The following GLDC variants were observed in gnomAD, a reference collection of about 807,000 sequenced individuals.
The protein encoded by GLDC is glycine dehydrogenase (decarboxylating), mitochondrial.
A neutral mutation model predicts 121.3 loss-of-function variants in GLDC; 104 were observed. The observed-to-expected ratio is 0.86, with a 90% confidence interval of 0.73 to 1.01. The LOEUF is 1.01. Ranked by LOEUF, GLDC falls within the 50% of genes least tolerant of loss-of-function variation. The pLI is 0.00. For synonymous variants in GLDC, 546 were observed against 480.6 expected (o/e 1.14, Z -1.78); for missense variants, 1,429 against 1,306.6 (o/e 1.09, Z -1.44).
At chr9:6,583,448 G>A (rs1006321002) in intron 15 of GLDC, among the ~76,000 whole-genome samples, 17 of 152,188 alleles carry the variant, frequency 1.1e-4, no homozygotes, top group Admixed American at 4.6e-4. Flanking sequence ...GCCAAGGCAG[G>A]AGGATCACTT....
intron 19 of GLDC, 132 bp downstream of exon 19, chr9:6,554,537 C>T: frequency 5.4e-6 from 4 of 737,080 alleles, no homozygotes; most frequent in South Asian, 3.0e-5. Flanking sequence ...CCTCCCCCAG[C>T]CCCTACAAGT....
chr9:6,611,322 T>C lies in GLDC; in HGVS notation c.471-966A>G, dbSNP rs149784808. Among the ~76,000 whole-genome samples the C allele has an allele frequency of 4.2e-3, 640 of 152,052 alleles. 4 individuals are homozygous for C. The highest frequency in any genetic ancestry group is 7.8e-3 in the African/African-American group (324 of 41,470). On this transcript the variant is annotated intron_variant, in intron 3 of 24. Transcript: ENST00000321612. ...CACCTCACCTATTTTACTTGGGAGG[T>C]CAAGGCGGGCGGATCACGAGGTCAG...
intron 22 of GLDC, among the ~76,000 whole-genome samples, chr9:6,536,845 G>A (rs1817138579): frequency 6.6e-6 from 1 of 152,140 alleles, no homozygotes; most frequent in African/African-American, 2.4e-5. Context: ...TGTATGATAA[G>A]GAAACTGAAG....
At chr9:6,538,825 G>C (rs1396531241) in intron 22 of GLDC, among the ~76,000 whole-genome samples, 4 of 152,192 alleles carry the variant, frequency 2.6e-5, no homozygotes, top group African/African-American at 9.7e-5. Context: ...TCGCTAGCCG[G>C]GAGGCTGTCA....
chr9:6,571,514 A>G (rs1450682098), intron 15 of GLDC, among the ~76,000 whole-genome samples: 2 of 152,200 alleles, frequency 1.3e-5, no homozygotes, highest in African/African-American at 4.8e-5. Flanking sequence ...AGATCGTGCC[A>G]CTGTACGATT....
intron 16 of GLDC, among the ~76,000 whole-genome samples, chr9:6,562,522 A>T (rs1326601007): frequency 1.3e-5 from 2 of 152,180 alleles, no homozygotes; most frequent in Non-Finnish European, 2.9e-5. Flanking sequence ...GTGAATACTA[A>T]ATCATTTTCT....
rs561597052 is a variant in GLDC at position 6,554,270 on chromosome 9, C to T, written c.2315+399G>A. ...TTATCTCAACACCTTACATCTAATTCACTTTCAATGGAACCATTAGCTGAT... is the reference window on the plus strand; with the variant it reads ...TTATCTCAACACCTTACATCTAATTTACTTTCAATGGAACCATTAGCTGAT... On this transcript the variant is annotated intron_variant, in intron 19 of 24. Coordinates refer to ENST00000321612, the MANE Select transcript of GLDC (RefSeq NM_000170.3). 1.4e-4 allele frequency among the ~76,000 whole-genome samples: 22 copies of T among 152,112 alleles called. No individual in the cohort carries two copies. In the South Asian group the frequency reaches 4.6e-3, roughly 32 times the overall value.
chr9:6,605,387 T>C (rs1818709456), intron 5 of GLDC, 109 bp from the exon 6 acceptor site: 1 of 1,137,976 alleles, frequency 8.8e-7, no homozygotes, highest in Non-Finnish European at 1.3e-6. Context: ...CCTCCCACAG[T>C]GGCCTCCCAC....
intron 7 of GLDC, among the ~76,000 whole-genome samples, chr9:6,603,025 T>C (rs1001622335): frequency 3.4e-4 from 52 of 151,884 alleles, no homozygotes; most frequent in Admixed American, 5.9e-4. Flanking sequence ...GTCCAGAGTT[T>C]GAGACCAGCC....
Position 6,550,811 on chromosome 9 carries a change from C to A in GLDC, c.2561G>T (p.Gly854Val). ...LETHYRILFR[G>V]ARGYVGHEFI... ...TTAAAGTTGATACTTGCCTCTTGCA[C>A]CCCTGAAAAGAATTCTGTAGTGTGT... is the stretch of plus-strand genomic sequence containing the variant. The change falls in exon 21 of 25, where the codon GGT becomes GTT. Residue 854 changes from glycine (G) to valine (V), a missense_variant. Transcript: ENST00000321612. 6.2e-7 allele frequency: 1 copy of A among 1,606,006 alleles called. No homozygotes were observed. The highest frequency in any genetic ancestry group is 8.5e-7 in the Non-Finnish European group (1 of 1,172,630).
intron 7 of GLDC, among the ~76,000 whole-genome samples, chr9:6,603,790 C>T (rs7046575): frequency 2.0e-5 from 3 of 149,310 alleles, no homozygotes; most frequent in Non-Finnish European, 3.0e-5. Flanking sequence ...AGTGAGGCAG[C>T]GCGATCTCGG....
At chr9:6,601,343 T>C (rs1818606634) in intron 8 of GLDC, among the ~76,000 whole-genome samples, 1 of 152,144 alleles carries the variant, frequency 6.6e-6, no homozygotes, top group African/African-American at 2.4e-5. Flanking sequence ...CTGCCACCCA[T>C]AACAAACCTG....
In GLDC at chr9:6,577,516, C is replaced by T. The variant is rs144254734; in HGVS notation, c.1850+9625G>A. 1.8e-4 allele frequency among the ~76,000 whole-genome samples: 27 copies of T among 152,294 alleles called. No individual in the cohort carries two copies. In the South Asian group the frequency reaches 4.8e-3, roughly 27 times the overall value. ...CTATGCATTTAGTTGTTTCACAATA[C>T]GCATGTTCTCCACCATAAAAATATC... is the stretch of plus-strand genomic sequence containing the variant. On this transcript the variant is annotated intron_variant, in intron 15 of 24. Coordinates refer to ENST00000321612, the MANE Select transcript of GLDC (RefSeq NM_000170.3).
At chr9:6,607,939 A>G (rs1005466600) in intron 4 of GLDC, among the ~76,000 whole-genome samples, 4 of 151,776 alleles carry the variant, frequency 2.6e-5, no homozygotes, top group Admixed American at 1.3e-4. Context: ...CCTGGGCAAC[A>G]TGGCAAAACC....
chr9:6,573,025 G>A (rs986327119), intron 15 of GLDC, among the ~76,000 whole-genome samples: 1 of 152,122 alleles, frequency 6.6e-6, no homozygotes, highest in Non-Finnish European at 1.5e-5. Context: ...AAGCTGTCTG[G>A]CTCCAAGCAA....
chr9:6,620,046 T>A (rs1819052665), intron 3 of GLDC, 138 bp downstream of exon 3: 2 of 823,214 alleles, frequency 2.4e-6, no homozygotes, highest in Non-Finnish European at 4.2e-6. Context: ...AGAAACCCGG[T>A]AGGTTCCCGG....
chr9:6,556,015 G>A, intron 18 of GLDC, 138 bp downstream of exon 18: 2 of 671,130 alleles, frequency 3.0e-6, no homozygotes, highest in Admixed American at 4.9e-5. Context: ...GGCCATGAGA[G>A]ATCAACAACC....
At chr9:6,545,858 C>T (rs569335728) in intron 21 of GLDC, among the ~76,000 whole-genome samples, 54 of 152,286 alleles carry the variant, frequency 3.5e-4, no homozygotes, top group Non-Finnish European at 6.2e-4. Context: ...CCTGGCTGGT[C>T]TCGAACTCCT....
At chr9:6,612,516 C>T (rs978096534) in intron 3 of GLDC, among the ~76,000 whole-genome samples, 1 of 151,878 alleles carries the variant, frequency 6.6e-6, no homozygotes, top group African/African-American at 2.4e-5. Flanking sequence ...GGCAATCACT[C>T]GAGCCCTGGA....
Sources: gnomAD v4.1 joint callset for allele counts (sites outside exome capture counted in the v4.1 genomes callset) on GRCh38, gnomAD v4.1.1 for gene constraint, MANE v1.5 for transcripts, NCBI Gene and HGNC (gene_info 2026-07-23, HGNC 2026-07-21) for gene names.